Variants in DNAI7 observed in about 807,000 individuals in gnomAD.
DNAI7 encodes cancer susceptibility 1.
DNAI7 carries 78 observed loss-of-function variants against 86.6 expected under a neutral mutation model. The ratio of observed to expected loss-of-function variants is 0.90; its 90% CI spans 0.75 to 1.09. The LOEUF (loss-of-function observed/expected upper bound fraction) is 1.09. Ranked by LOEUF, DNAI7 falls within the 50% of genes least tolerant of loss-of-function variation. The pLI is 0.00. For synonymous variants in DNAI7, 274 were observed against 273.0 expected, an observed-to-expected ratio of 1.00 and a Z score of -0.04; for missense variants, 753 against 810.2, an observed-to-expected ratio of 0.93 and a Z score of 0.86.
intron 15 of DNAI7, among the ~76,000 whole-genome samples, chr12:25,109,490 G>C (rs375258375): frequency 4.6e-5 from 7 of 152,028 alleles, no homozygotes; most frequent in Non-Finnish European, 8.8e-5. Context: ...GGGCTCAAGC[G>C]ATCCTTCCAC....
intron 9 of DNAI7, among the ~76,000 whole-genome samples, chr12:25,130,264 G>A (rs942238633): frequency 2.0e-5 from 3 of 152,048 alleles, no homozygotes; most frequent in African/African-American, 7.2e-5. Context: ...TGGGCCGGGC[G>A]CGGTGGCTCA....
rs181461484 is a variant in DNAI7, at chr12:25,181,310, G to A, written c.21+9304C>T. ...TTTTCATTTTTTGCAGAGGTGGGGG[G>A]GTCTCACTATGTTTCCCAGGTTGGT... On this transcript the variant is annotated intron_variant, in intron 2 of 15. Coordinates refer to ENST00000395987, the MANE Select transcript of DNAI7 (RefSeq NM_018272.5). 4.4e-3 allele frequency among the ~76,000 whole-genome samples: 667 copies of A among 151,930 alleles called. 7 individuals carry two copies. The highest frequency in any genetic ancestry group is 0.015 in the African/African-American group (610 of 41,386).
At chr12:25,120,107 G>A (rs1323894133) in intron 11 of DNAI7, among the ~76,000 whole-genome samples, 1 of 152,130 alleles carries the variant, frequency 6.6e-6, no homozygotes, top group East Asian at 1.9e-4. Flanking sequence ...CTCAGGCTGG[G>A]ACCTTATGGA....
chr12:25,177,719 C>T (rs1434498379), intron 2 of DNAI7, among the ~76,000 whole-genome samples: 1 of 152,106 alleles, frequency 6.6e-6, no homozygotes, highest in African/African-American at 2.4e-5. Context: ...TAAAGATGAA[C>T]TGTCCAAAGT....
At chr12:25,152,775 A>G (rs1389378822) in intron 6 of DNAI7, among the ~76,000 whole-genome samples, 1 of 152,208 alleles carries the variant, frequency 6.6e-6, no homozygotes, top group East Asian at 1.9e-4. Context: ...CAGTACCAGC[A>G]CTGGATCGAA....
intron 2 of DNAI7, among the ~76,000 whole-genome samples, chr12:25,166,683 A>C (rs951130623): frequency 2.6e-5 from 4 of 152,048 alleles, no homozygotes; most frequent in Non-Finnish European, 4.4e-5. Flanking sequence ...CTTCCTAGGC[A>C]TGGTTAGTGT....
intron 1 of DNAI7, among the ~76,000 whole-genome samples, chr12:25,193,430 G>A (rs1306522274): frequency 1.3e-5 from 2 of 152,186 alleles, no homozygotes; most frequent in African/African-American, 4.8e-5. Context: ...CTCTCCCTAA[G>A]GCCCTCAGAG....
intron 9 of DNAI7, among the ~76,000 whole-genome samples, chr12:25,127,204 G>A (rs1054788958): frequency 1.3e-5 from 2 of 152,168 alleles, no homozygotes; most frequent in African/African-American, 4.8e-5. Flanking sequence ...TCCTGTAATT[G>A]CAACAGTGTC....
chr12:25,171,768 T>C (rs1948168705), intron 2 of DNAI7, among the ~76,000 whole-genome samples: 1 of 152,130 alleles, frequency 6.6e-6, no homozygotes, highest in African/African-American at 2.4e-5. Context: ...AAAAGATAAT[T>C]CACCATGACC....
intron 12 of DNAI7, among the ~76,000 whole-genome samples, chr12:25,118,729 T>G (rs1194252278): frequency 6.6e-6 from 1 of 152,142 alleles, no homozygotes; most frequent in Non-Finnish European, 1.5e-5. Context: ...GCCCAGCTAA[T>G]TTTTGTAATG....
At chr12:25,147,283 A>G (rs1944976743) in intron 7 of DNAI7, among the ~76,000 whole-genome samples, 179 bp from the exon 8 acceptor site, 1 of 152,202 alleles carries the variant, frequency 6.6e-6, no homozygotes, top group Non-Finnish European at 1.5e-5. Context: ...ATTCTCTAAA[A>G]ATGCAAACAT....
chr12:25,160,096 C>A lies in DNAI7; in HGVS notation c.106+1017G>T, dbSNP rs111498167. On this transcript the variant is annotated intron_variant, in intron 3 of 15. Transcript: ENST00000395987. ...TACTGAACAAACAGCACCAATGCTC[C>A]TAATTTCTTTTTTTGTTTTGTTTTA... Among the ~76,000 whole-genome samples, 435 of 152,008 alleles carry A rather than the reference C, an allele frequency of 2.9e-3. 2 individuals carry two copies. Among genetic ancestry groups the A allele is most frequent in the African/African-American group, 9.7e-3 (402 of 41,484 alleles).
chr12:25,117,932 C>T (rs958873157), intron 12 of DNAI7, among the ~76,000 whole-genome samples: 19 of 71,714 alleles, frequency 2.6e-4, no homozygotes, highest in Non-Finnish European at 6.1e-4. Context: ...TTGATATTTT[C>T]TTTTTCTTTT....
intron 4 of DNAI7, among the ~76,000 whole-genome samples, chr12:25,155,689 G>T (rs1288473769): frequency 6.6e-6 from 1 of 152,146 alleles, no homozygotes; most frequent in Non-Finnish European, 1.5e-5. Context: ...TTTTCATCGT[G>T]TATCTATTTG....
chr12:25,147,479 A>ACC (rs1555170102), intron 7 of DNAI7, among the ~76,000 whole-genome samples: 4 of 150,442 alleles, frequency 2.7e-5, no homozygotes, highest in Admixed American at 6.6e-5. Context: ...TAATGAGACC[A>ACC]CCCCCATCTC....
intron 1 of DNAI7, among the ~76,000 whole-genome samples, chr12:25,191,206 A>G (rs1950482515): frequency 6.6e-6 from 1 of 152,140 alleles, no homozygotes; most frequent in South Asian, 2.1e-4. Context: ...TGAACCCAAG[A>G]GTTCAAGATC....
chr12:25,135,496 C>T (rs745822203), intron 9 of DNAI7, among the ~76,000 whole-genome samples: 6 of 151,848 alleles, frequency 4.0e-5, no homozygotes, highest in African/African-American at 9.7e-5. Flanking sequence ...GGATGGGGGG[C>T]GGTGGGAAAT....
rs748165578 is a variant in DNAI7, at chr12:25,114,642, C to T, written c.1611+14G>A. ...CTGATACGATAGTACATAACAGCTA[C>T]AAGAGTAACTCACCTTAATTTGTAT... On this transcript the variant is annotated intron_variant, in intron 13 of 15. Transcript: ENST00000395987. The T allele has an allele frequency of 6.4e-7, 1 of 1,559,340 alleles. No homozygotes were observed. Among genetic ancestry groups the T allele is most frequent in the Non-Finnish European group, 8.8e-7 (1 of 1,130,654 alleles).
intron 9 of DNAI7, among the ~76,000 whole-genome samples, chr12:25,137,661 A>G (rs1321373570): frequency 1.3e-5 from 2 of 152,170 alleles, no homozygotes; most frequent in Non-Finnish European, 2.9e-5. Flanking sequence ...CATCTAACAC[A>G]TAGAGTCACA....
Sources: allele counts gnomAD v4.1 joint callset (sites outside exome capture counted in the v4.1 genomes callset), GRCh38; gene constraint gnomAD v4.1.1; transcripts MANE v1.5; gene names NCBI Gene and HGNC (gene_info 2026-07-23, HGNC 2026-07-21).